Variants in USP49 observed in about 807,000 individuals in gnomAD.
USP49 encodes ubiquitin carboxyl-terminal hydrolase 49.
Under a neutral mutation model 58.6 loss-of-function variants are expected in USP49, and 24 were observed. That is an observed-to-expected ratio of 0.41 (90% CI 0.30 to 0.58). The LOEUF (loss-of-function observed/expected upper bound fraction) is 0.58, where lower values mean the gene tolerates loss of function less well. USP49 is among the 20% of genes least tolerant of loss of function. The pLI, the probability that USP49 is intolerant of heterozygous loss-of-function variation, is 0.30. For missense variants in USP49, 703 were observed against 866.1 expected (o/e 0.81, Z 2.36); for synonymous variants, 408 against 365.1 (o/e 1.12, Z -1.34).
In USP49 at chr6:41,806,344, G is replaced by C; in HGVS notation, c.640C>G (p.His214Asp). 1 of 1,530,110 alleles carries C rather than the reference G, an allele frequency of 6.5e-7. No homozygotes were observed. The highest frequency in any genetic ancestry group is 8.7e-7 in the Non-Finnish European group (1 of 1,150,144). 94.8% of individuals were successfully genotyped at this position (1,530,110 alleles called of 1,614,324 possible). A position where few individuals can be genotyped will look rare whatever the true frequency, so the allele number is the denominator to read the frequency against. ...PPRKSARLLL[H>D]TPRDAGPAAS... The stretch of plus-strand genomic sequence containing the variant: ...GCCGGGCCCGCGTCGCGGGGCGTGT[G>C]CAGGAGCAGCCGTGCACTCTTGCGC... Residue 214 changes from histidine (H) to aspartate (D), a missense_variant, in exon 4 of 8, where the codon CAC (histidine) becomes GAC (aspartate). Physicochemically the swap from His to Asp is moderately conservative, Grantham distance 81. Transcript: ENST00000682992. This position sits in a 1 kb window ranked among gnomAD's most constrained non-coding sequence, Gnocchi z 5.9.
rs184142005 is a variant in USP49, at chr6:41,844,005, T to C, written c.-29+27559A>G. On this transcript the variant is annotated intron_variant, in intron 3 of 7. Transcript: ENST00000682992. ...GTGGCAGTGAGCCAAGATTGCACCA[T>C]TGCCCTCCAGCCTGGGCAACAAGAG... Among the ~76,000 whole-genome samples, 600 of 152,138 alleles carry C rather than the reference T, an allele frequency of 3.9e-3. 4 individuals carry two copies. Among genetic ancestry groups the C allele is most frequent in the African/African-American group, 0.014 (580 of 41,526 alleles).
chr6:41,799,094 A>G (rs1772947485), intron 6 of USP49, among the ~76,000 whole-genome samples, 165 bp from the exon 7 acceptor site: 1 of 151,242 alleles, frequency 6.6e-6, no homozygotes, highest in Non-Finnish European at 1.5e-5. Context: ...TTATTTATTT[A>G]TTTATTTATT....
chr6:41,863,584 G>T (rs1774260188), intron 3 of USP49, among the ~76,000 whole-genome samples: 1 of 152,158 alleles, frequency 6.6e-6, no homozygotes, highest in Non-Finnish European at 1.5e-5. Context: ...CCAACAGCTA[G>T]GCACTGTATA....
chr6:41,849,785 T>C (rs1205895865), intron 3 of USP49, among the ~76,000 whole-genome samples: 1 of 152,048 alleles, frequency 6.6e-6, no homozygotes, highest in Non-Finnish European at 1.5e-5. Context: ...TTTTTTGTAT[T>C]TTAGTAGAGA....
At position 41,841,902 on chromosome 6, in the gene USP49, C is replaced by G. The variant is rs142219697; in HGVS notation, c.-29+29662G>C. 2.5e-3 allele frequency among the ~76,000 whole-genome samples: 376 copies of G among 152,180 alleles called. 4 individuals carry two copies. The highest frequency in any genetic ancestry group is 8.7e-3 in the African/African-American group (362 of 41,516). On this transcript the variant is annotated intron_variant, in intron 3 of 7. Coordinates refer to ENST00000682992, the MANE Select transcript of USP49 (RefSeq NM_001286554.2). ...CAAAACCCTGTCTCTACCACAAATA[C>G]AAAAATTAGCCGGGTGTGGTGGCGC...
In USP49 at chr6:41,890,503, A is replaced by C. The variant is rs563432510; in HGVS notation, c.-103+1291T>G. On this transcript the variant is annotated intron_variant, in intron 2 of 7. Coordinates refer to ENST00000682992, the MANE Select transcript of USP49 (RefSeq NM_001286554.2). Reference sequence around the variant, plus strand: ...TAAGGTGGGCAGATTTTTTGAGCCCAGGAGTTCGAGACAAGCCTGGGCAAC... The same window carrying C: ...TAAGGTGGGCAGATTTTTTGAGCCCCGGAGTTCGAGACAAGCCTGGGCAAC... Among the ~76,000 whole-genome samples, 12 of 152,234 alleles carry C rather than the reference A, an allele frequency of 7.9e-5. No homozygotes were observed. The South Asian group carries it at 2.3e-3, about 29-fold the overall frequency.
rs189932565 is a variant in USP49, at chr6:41,796,112, C to T, written c.*421G>A. On this transcript the variant is annotated 3_prime_UTR_variant, in exon 8 of 8. Transcript: ENST00000682992. Reference sequence around the variant, plus strand: ...ACTGCTAGCCCAGGGCCCCTCCTCACGTGCTCTGTCCAGGACTGCTCACAT... The same window carrying T: ...ACTGCTAGCCCAGGGCCCCTCCTCATGTGCTCTGTCCAGGACTGCTCACAT... 1.7e-4 allele frequency: 27 copies of T among 155,756 alleles called. No individual in the cohort carries two copies. The highest frequency in any genetic ancestry group is 9.4e-4 in the East Asian group (5 of 5,334). The allele number at this position is 155,756 out of a possible 1,614,324, so 9.6% of individuals were successfully genotyped here.
chr6:41,865,147 C>T (rs897532835), intron 3 of USP49, among the ~76,000 whole-genome samples: 2 of 152,000 alleles, frequency 1.3e-5, no homozygotes, highest in Non-Finnish European at 2.9e-5. Context: ...TGGGTTCAGG[C>T]AATTCTCCTG....
intron 3 of USP49, among the ~76,000 whole-genome samples, chr6:41,809,226 TAA>T (rs147542602): frequency 4.3e-5 from 6 of 138,820 alleles, no homozygotes; most frequent in East Asian, 2.3e-4. Context: ...TCTTTAAAAT[TAA>T]AAAAAAAAAA....
intron 3 of USP49, among the ~76,000 whole-genome samples, chr6:41,812,451 T>G: frequency 6.7e-6 from 1 of 149,688 alleles, no homozygotes. Context: ...CGCAGCACTT[T>G]GGGAGGCCGA....
At chr6:41,853,209 G>C (rs1774061719) in intron 3 of USP49, among the ~76,000 whole-genome samples, 1 of 152,064 alleles carries the variant, frequency 6.6e-6, no homozygotes, top group Non-Finnish European at 1.5e-5. Context: ...CTGGGGGGGA[G>C]AATTTTGACA....
chr6:41,873,637 A>G (rs1400390187), intron 2 of USP49, among the ~76,000 whole-genome samples: 1 of 152,258 alleles, frequency 6.6e-6, no homozygotes, highest in African/African-American at 2.4e-5. Context: ...TAACTTAATT[A>G]CATTTAAATC....
chr6:41,883,732 G>T (rs1774656977), intron 2 of USP49, among the ~76,000 whole-genome samples: 1 of 152,090 alleles, frequency 6.6e-6, no homozygotes, highest in African/African-American at 2.4e-5. Flanking sequence ...GCGGTTATAG[G>T]AACACAATGC....
chr6:41,865,834 G>T, intron 3 of USP49, among the ~76,000 whole-genome samples: 1 of 138,448 alleles, frequency 7.2e-6, no homozygotes, highest in African/African-American at 2.7e-5. Flanking sequence ...CCCAGAGACT[G>T]GGTCTAACTA....
intron 1 of USP49, among the ~76,000 whole-genome samples, chr6:41,892,903 G>C (rs960808013): frequency 6.6e-6 from 1 of 152,000 alleles, no homozygotes; most frequent in African/African-American, 2.4e-5. Context: ...CATATTCTTA[G>C]CTAAATGTAA....
chr6:41,790,863 G>C lies in USP49; in HGVS notation c.*5670C>G, dbSNP rs914873048. 3.9e-5 allele frequency: 6 copies of C among 152,018 alleles called. No homozygotes were observed. Among genetic ancestry groups the C allele is most frequent in the African/African-American group, 1.5e-4 (6 of 41,378 alleles). 9.4% of individuals were successfully genotyped at this position (152,018 alleles called of 1,614,324 possible). A position where few individuals can be genotyped will look rare whatever the true frequency, so the allele number is the denominator to read the frequency against. ...ACTCTGAGAGGTTTATATCTTATTGGGTATTAAGATAAAGAAGGGTCACAT... is the reference window on the plus strand; with the variant it reads ...ACTCTGAGAGGTTTATATCTTATTGCGTATTAAGATAAAGAAGGGTCACAT... On this transcript the variant is annotated 3_prime_UTR_variant, in exon 8 of 8. Coordinates refer to ENST00000682992, the MANE Select transcript of USP49 (RefSeq NM_001286554.2).
intron 2 of USP49, among the ~76,000 whole-genome samples, chr6:41,872,089 C>A (rs1024413137): frequency 6.6e-6 from 1 of 152,156 alleles, no homozygotes; most frequent in African/African-American, 2.4e-5. Context: ...GGTTTATGAC[C>A]TATATGTAAG....
Position 41,806,708 on chromosome 6 carries a change from C to T in USP49, c.276G>A (p.Leu92=). The part of the protein sequence containing the change: ...YVLNDNPEGD[L]KLLRSSLLAV... ...CCAGGAGGGAGCTTCTTAGCAGCTT[C>T]AGGTCCCCCTCTGGGTTATCATTGA... Residue 92 remains leucine (L), a synonymous_variant, in exon 4 of 8, where the codon CTG becomes CTA. Transcript: ENST00000682992. This position sits in a 1 kb window ranked among gnomAD's most constrained non-coding sequence, Gnocchi z 5.9. The T allele has an allele frequency of 6.2e-7, 1 of 1,614,270 alleles. No homozygotes were observed. The highest frequency in any genetic ancestry group is 8.5e-7 in the Non-Finnish European group (1 of 1,180,050).
intron 3 of USP49, among the ~76,000 whole-genome samples, chr6:41,818,955 A>C (rs868658892): frequency 6.6e-6 from 1 of 152,042 alleles, no homozygotes; most frequent in South Asian, 2.1e-4. Context: ...CCTGTGTGTC[A>C]TTCTGCTTGG....
Sources: gnomAD v4.1 joint callset for allele counts (sites outside exome capture counted in the v4.1 genomes callset) on GRCh38, gnomAD v4.1.1 for gene constraint, Gnocchi (gnomAD v3.1) non-coding constraint, MANE v1.5 for transcripts, NCBI Gene and HGNC (gene_info 2026-07-23, HGNC 2026-07-21) for gene names.